The following TEAD4 variants were observed in gnomAD, a reference collection of about 807,000 sequenced individuals.
TEAD4 encodes TEA domain transcription factor 4.
In TEAD4, 36 loss-of-function variants were observed where a neutral mutation model predicts 52.4. The observed-to-expected ratio is 0.69, with a 90% CI of 0.53 to 0.91. The LOEUF (loss-of-function observed/expected upper bound fraction) is 0.91, where lower values mean the gene tolerates loss of function less well. TEAD4 is among the 40% of genes least tolerant of loss of function. TEAD4 has a pLI of 0.00. For missense variants in TEAD4, 508 were observed against 583.9 expected (o/e 0.87, Z 1.34); for synonymous variants, 220 against 231.0 (o/e 0.95, Z 0.43).
intron 2 of TEAD4, among the ~76,000 whole-genome samples, chr12:2,976,764 A>G (rs2098230027): frequency 7.1e-6 from 1 of 140,416 alleles, no homozygotes; most frequent in South Asian, 2.1e-4. Context: ...GGGTCCAGGC[A>G]AGTACTCGCC....
intron 2 of TEAD4, among the ~76,000 whole-genome samples, chr12:2,961,401 C>G (rs187686549): frequency 1.3e-5 from 2 of 152,064 alleles, no homozygotes; most frequent in East Asian, 3.9e-4. Context: ...CAGAAACTGT[C>G]TCGGGGGTTG....
intron 10 of TEAD4, among the ~76,000 whole-genome samples, chr12:3,030,972 G>A (rs1278256567): frequency 2.6e-5 from 4 of 152,254 alleles, no homozygotes; most frequent in Non-Finnish European, 5.9e-5. Context: ...GGAAGCAGGT[G>A]TGAGACTCCT....
At chr12:3,038,752 G>A (rs914783195) in intron 11 of TEAD4, among the ~76,000 whole-genome samples, 3 of 152,182 alleles carry the variant, frequency 2.0e-5, no homozygotes, top group Admixed American at 2.0e-4. Flanking sequence ...TGCGTGTCTG[G>A]GGGGTTGTGA....
intron 2 of TEAD4, among the ~76,000 whole-genome samples, chr12:2,963,366 A>G (rs987710197): frequency 2.0e-5 from 3 of 152,164 alleles, no homozygotes; most frequent in African/African-American, 7.2e-5. Context: ...AGGTCAGTCC[A>G]GTGGCAGTTG....
intron 2 of TEAD4, among the ~76,000 whole-genome samples, chr12:2,971,802 T>TTTTC (rs1477779564): frequency 6.9e-6 from 1 of 145,906 alleles, no homozygotes; most frequent in Non-Finnish European, 1.5e-5. Context: ...ATCCTTTTTT[T>TTTTC]TTTCTTTCTT....
At position 2,986,304 on chromosome 12, in the gene TEAD4, C is replaced by T. The variant is rs571956258; in HGVS notation, c.-29-8434C>T. ...GAAGGGCCTGCCTGAGGCTGTTTTA[C>T]AGTAATTTTTTTTTTACAAGTAGAA... On this transcript the variant is annotated intron_variant, in intron 2 of 12. Coordinates refer to ENST00000359864, the MANE Select transcript of TEAD4 (RefSeq NM_003213.4). Among the ~76,000 whole-genome samples the T allele has an allele frequency of 2.6e-4, 40 of 151,128 alleles. No individual in the cohort carries two copies. The South Asian group carries it at 8.0e-3, about 30-fold the overall frequency.
intron 6 of TEAD4, among the ~76,000 whole-genome samples, 152 bp from the exon 7 acceptor site, chr12:3,018,383 GGGGTGCTGCT>G (rs930401087): frequency 6.6e-6 from 1 of 152,108 alleles, no homozygotes; most frequent in Non-Finnish European, 1.5e-5. Flanking sequence ...ACTCACTCTG[GGGGTGCTGCT>G]GTGGCCTGTT....
At chr12:3,009,542 C>G (rs1370463877) in intron 3 of TEAD4, among the ~76,000 whole-genome samples, 2 of 152,384 alleles carry the variant, frequency 1.3e-5, no homozygotes, top group Admixed American at 6.5e-5. Flanking sequence ...AGGCTCTAGC[C>G]TGGCTCACCA....
chr12:2,991,996 G>T (rs1454670384), intron 2 of TEAD4, among the ~76,000 whole-genome samples: 2 of 144,852 alleles, frequency 1.4e-5, no homozygotes, highest in Non-Finnish European at 3.0e-5. Flanking sequence ...TGTGGTGGGG[G>T]TTGGGGGGGG....
intron 3 of TEAD4, among the ~76,000 whole-genome samples, chr12:3,003,190 G>A (rs926939077): frequency 6.6e-5 from 10 of 152,008 alleles, no homozygotes; most frequent in East Asian, 3.9e-4. Flanking sequence ...AGATGTCCAC[G>A]CACACTTCCA....
At chr12:2,962,290 T>TTATATA (rs1317363850) in intron 2 of TEAD4, among the ~76,000 whole-genome samples, 1 of 48,250 alleles carries the variant, frequency 2.1e-5, no homozygotes, top group Non-Finnish European at 5.7e-5. Context: ...ATATATTTAT[T>TTATATA]TATATATATA....
intron 2 of TEAD4, among the ~76,000 whole-genome samples, chr12:2,984,374 C>T (rs751099440): frequency 5.9e-5 from 9 of 152,126 alleles, no homozygotes; most frequent in Non-Finnish European, 1.2e-4. Flanking sequence ...GGGGTTGCAC[C>T]AGGTCATCCA....
chr12:2,987,498 G>C (rs1036853783), intron 2 of TEAD4, among the ~76,000 whole-genome samples: 1 of 152,002 alleles, frequency 6.6e-6, no homozygotes, highest in Non-Finnish European at 1.5e-5. Context: ...GCAGGGGCGC[G>C]ATCTCAGCTC....
intron 8 of TEAD4, among the ~76,000 whole-genome samples, chr12:3,019,888 C>G (rs2098267441): frequency 6.6e-6 from 1 of 152,214 alleles, no homozygotes; most frequent in African/African-American, 2.4e-5. Flanking sequence ...CCCGTCCACC[C>G]TCTGTCTCAT....
intron 2 of TEAD4, among the ~76,000 whole-genome samples, chr12:2,989,211 A>T (rs891168056): frequency 6.6e-6 from 1 of 151,710 alleles, no homozygotes; most frequent in Non-Finnish European, 1.5e-5. Flanking sequence ...CAAAGTGCTG[A>T]GATTATAGGT....
chr12:2,992,369 T>A (rs2098243845), intron 2 of TEAD4, among the ~76,000 whole-genome samples: 1 of 152,140 alleles, frequency 6.6e-6, no homozygotes, highest in Admixed American at 6.6e-5. Context: ...ACTGCATGTC[T>A]GTGCCAGCTG....
At chr12:3,022,105 C>A in intron 10 of TEAD4, 88 bp downstream of exon 10, 1 of 1,526,636 alleles carries the variant, frequency 6.6e-7, no homozygotes, top group South Asian at 1.3e-5. Context: ...GTGCCCTTGT[C>A]ACAGTAGAAA....
At chr12:2,988,531 T>C (rs973813453) in intron 2 of TEAD4, among the ~76,000 whole-genome samples, 7 of 148,222 alleles carry the variant, frequency 4.7e-5, no homozygotes, top group Non-Finnish European at 1.0e-4. Flanking sequence ...AAAAAAGATA[T>C]ATTGGGACTT....
At chr12:2,960,278 G>C in intron 2 of TEAD4, 1 of 985,444 alleles carries the variant, frequency 1.0e-6, no homozygotes, top group Non-Finnish European at 1.2e-6. Context: ...CGAGAGCATC[G>C]GCAACAGAAG....
Sources: gnomAD v4.1 joint callset for allele counts (sites outside exome capture counted in the v4.1 genomes callset) on GRCh38, gnomAD v4.1.1 for gene constraint, MANE v1.5 for transcripts, NCBI Gene and HGNC (gene_info 2026-07-23, HGNC 2026-07-21) for gene names.